Variants in NRAP observed in about 807,000 individuals in gnomAD.
NRAP encodes nebulin-related-anchoring protein.
NRAP carries 189 observed loss-of-function variants against 225.9 expected under a neutral mutation model. The ratio of observed to expected loss-of-function variants is 0.84; its 90% CI spans 0.74 to 0.94. The LOEUF (loss-of-function observed/expected upper bound fraction) is 0.94, where lower values mean the gene tolerates loss of function less well. Among genes scored for constraint, NRAP ranks in the 40% least tolerant of loss-of-function variants. The probability of loss-of-function intolerance (pLI) is 0.00; values close to 1 mark genes in which losing one functional copy is unlikely to be tolerated. For synonymous variants in NRAP, 769 were observed against 790.7 expected (o/e 0.97, Z 0.46); for missense variants, 2,176 against 2,168.7 (o/e 1.00, Z -0.07).
At position 113,617,495 on chromosome 10, in the gene NRAP, T is replaced by C; in HGVS notation, c.2933A>G (p.Glu978Gly). 3 of 1,612,414 alleles carry C rather than the reference T, an allele frequency of 1.9e-6. No individual in the cohort carries two copies. The highest frequency in any genetic ancestry group is 2.5e-6 in the Non-Finnish European group (3 of 1,178,482). Residue 978 changes from glutamate to glycine, a missense_variant, in exon 26 of 42, where the codon GAG (glutamate) becomes GGG (glycine). Physicochemically the swap from Glu to Gly is moderately conservative, Grantham distance 98 (BLOSUM62 -2). This residue lies in a region of NRAP where 1,708 missense variants were observed against 1,695.5 expected (regional missense o/e 1.01). Coordinates refer to ENST00000359988, the MANE Select transcript of NRAP (RefSeq NM_198060.4). ...LKFTSIKDTP[E>G]MVQARISYTQ... is the part of the protein sequence containing the mutation. ...ATAACTAATTCTGGCCTGGACCATCTCCGGAGTGTCTTTAATACTGGTAAA... is the reference window on the plus strand; with the variant it reads ...ATAACTAATTCTGGCCTGGACCATCCCCGGAGTGTCTTTAATACTGGTAAA...
rs78026621 is a variant in NRAP at position 113,641,828 on chromosome 10, C to T, written c.1216-356G>A. Among the ~76,000 whole-genome samples the T allele has an allele frequency of 1.8e-4, 28 of 152,252 alleles. No homozygotes were observed. The East Asian group carries it at 4.8e-3, about 26-fold the overall frequency. On this transcript the variant is annotated intron_variant, in intron 12 of 41. Coordinates refer to ENST00000359988, the MANE Select transcript of NRAP (RefSeq NM_198060.4). Reference sequence around the variant, plus strand: ...GAGACAGTGGCAGGCACTGACTATGCGGACGTCACATGCAAAGCCCCATGC... The same window carrying T: ...GAGACAGTGGCAGGCACTGACTATGTGGACGTCACATGCAAAGCCCCATGC...
At chr10:113,642,554 A>T (rs1221207152) in intron 12 of NRAP, among the ~76,000 whole-genome samples, 1 of 152,106 alleles carries the variant, frequency 6.6e-6, no homozygotes, top group Non-Finnish European at 1.5e-5. Flanking sequence ...TCTCCAGGTG[A>T]CTCTGAGGGT....
intron 7 of NRAP, among the ~76,000 whole-genome samples, chr10:113,650,863 G>A (rs1243945178): frequency 1.3e-5 from 2 of 152,196 alleles, no homozygotes; most frequent in Non-Finnish European, 2.9e-5. Flanking sequence ...ATTTTTGGGA[G>A]ACACAAGAGT....
chr10:113,607,262 C>G (rs1217990251), intron 32 of NRAP, among the ~76,000 whole-genome samples: 1 of 150,508 alleles, frequency 6.6e-6, no homozygotes, highest in Non-Finnish European at 1.5e-5. Context: ...ATTAGCCGGG[C>G]ATGGTGGCAG....
Position 113,590,865 on chromosome 10 carries a change from G to A in NRAP, c.4669C>T (p.Arg1557Trp), listed in dbSNP as rs146091768. Residue 1557 changes from arginine to tryptophan, a missense_variant, in exon 40 of 42, where the codon CGG becomes TGG. Physicochemically the swap from Arg to Trp is moderately radical, Grantham distance 101 (BLOSUM62 -3). Around this residue, in one of 3 missense-constraint regions of NRAP, gnomAD observed 445 missense variants for 426.1 expected, o/e 1.04. Transcript: ENST00000359988. ...SDFRYKEAFL[R>W]DRGLQIGYRS... ...TACCCGATCTGCAGGCCTCGGTCCC[G>A]CAGGAAAGCCTCTTTGTACCGGAAC... is the stretch of plus-strand genomic sequence containing the variant. 12 of 1,613,840 alleles carry A rather than the reference G, an allele frequency of 7.4e-6. No individual in the cohort carries two copies. The highest frequency in any genetic ancestry group is 4.0e-5 in the African/African-American group (3 of 74,922).
chr10:113,602,618 T>C (rs1344014920), intron 35 of NRAP, among the ~76,000 whole-genome samples: 2 of 152,218 alleles, frequency 1.3e-5, no homozygotes, highest in Non-Finnish European at 2.9e-5. Flanking sequence ...GATAATTAAA[T>C]TAACAAAATC....
chr10:113,598,690 A>T (rs1846428210), intron 35 of NRAP, among the ~76,000 whole-genome samples: 1 of 152,212 alleles, frequency 6.6e-6, no homozygotes, highest in East Asian at 1.9e-4. Context: ...TTATAGCATG[A>T]CTTTAAAAAC....
At chr10:113,649,527 G>T (rs1238522709) in intron 9 of NRAP, among the ~76,000 whole-genome samples, 2 of 152,132 alleles carry the variant, frequency 1.3e-5, no homozygotes, top group Non-Finnish European at 2.9e-5. Context: ...TTTACTCCCT[G>T]TCAAGATGTA....
chr10:113,636,339 C>G (rs572144659), intron 14 of NRAP, among the ~76,000 whole-genome samples: 93 of 152,338 alleles, frequency 6.1e-4, no homozygotes, highest in Non-Finnish European at 1.2e-3. Context: ...TCCTGTCTGT[C>G]TAGACTACAG....
Position 113,588,938 on chromosome 10 carries a change from TCCTCTCTGG to T in NRAP, c.*28_*36del. Reference sequence around the variant, plus strand: ...GAAGCCTGTCTCTGGTGAACAAACTTCCTCTCTGGCCTCTCAGGAATCAGGGTGGACATG... The same window carrying T: ...GAAGCCTGTCTCTGGTGAACAAACTTCCTCTCAGGAATCAGGGTGGACATG... On this transcript the variant is annotated 3_prime_UTR_variant, in exon 42 of 42. Transcript: ENST00000359988. 9 of 1,547,354 alleles carry T rather than the reference TCCTCTCTGG, an allele frequency of 5.8e-6. No homozygotes were observed. Among genetic ancestry groups the T allele is most frequent in the Non-Finnish European group, 8.0e-6 (9 of 1,121,518 alleles).
chr10:113,609,543 T>A (rs1257523102), intron 31 of NRAP, among the ~76,000 whole-genome samples: 1 of 152,232 alleles, frequency 6.6e-6, no homozygotes, highest in African/African-American at 2.4e-5. Context: ...ATCAGAAAGC[T>A]TAGAATTCTA....
At chr10:113,654,507 C>CAAAAA (rs56238053) in intron 4 of NRAP, among the ~76,000 whole-genome samples, 3 of 128,694 alleles carry the variant, frequency 2.3e-5, no homozygotes, top group Non-Finnish European at 3.2e-5. Context: ...GCAATAAAAG[C>CAAAAA]AAAAAAAAAA....
chr10:113,611,794 A>T (rs1254598193), intron 30 of NRAP, among the ~76,000 whole-genome samples: 1 of 152,174 alleles, frequency 6.6e-6, no homozygotes, highest in East Asian at 1.9e-4. Flanking sequence ...TTGAGGCCAG[A>T]GGCAATATCA....
chr10:113,601,058 G>A (rs1419360842), intron 35 of NRAP, among the ~76,000 whole-genome samples: 1 of 152,228 alleles, frequency 6.6e-6, no homozygotes, highest in African/African-American at 2.4e-5. Context: ...CTGAGACCAC[G>A]GAGGGAGCAG....
intron 25 of NRAP, among the ~76,000 whole-genome samples, chr10:113,618,298 G>C (rs1466014971): frequency 2.0e-5 from 3 of 152,150 alleles, no homozygotes. Context: ...TGAGATCATA[G>C]AGTTTATGCT....
At chr10:113,659,974 T>C (rs754694784) in intron 3 of NRAP, among the ~76,000 whole-genome samples, 4 of 151,810 alleles carry the variant, frequency 2.6e-5, no homozygotes, top group Admixed American at 6.6e-5. Flanking sequence ...TTGTAAGAGC[T>C]GGGCCCTGTA....
intron 35 of NRAP, among the ~76,000 whole-genome samples, chr10:113,599,586 T>C (rs1450082201): frequency 6.6e-6 from 1 of 152,196 alleles, no homozygotes; most frequent in Non-Finnish European, 1.5e-5. Context: ...GAAAGCAAGA[T>C]GCAGGTTCCC....
chr10:113,640,112 C>T, intron 14 of NRAP, 115 bp downstream of exon 14: 1 of 611,700 alleles, frequency 1.6e-6, no homozygotes, highest in South Asian at 2.3e-5. Context: ...TCAATCCCTT[C>T]AACCTCTTAT....
intron 14 of NRAP, among the ~76,000 whole-genome samples, chr10:113,638,654 C>T (rs1364451192): frequency 6.6e-6 from 1 of 152,164 alleles, no homozygotes; most frequent in African/African-American, 2.4e-5. Context: ...CTTGCAGGAA[C>T]TAGGGCAGAA....
Sources: gnomAD v4.1 joint callset for allele counts (sites outside exome capture counted in the v4.1 genomes callset) on GRCh38, gnomAD v4.1.1 for gene constraint, gnomAD v4.1.1 regional missense constraint, MANE v1.5 for transcripts, NCBI Gene and HGNC (gene_info 2026-07-23, HGNC 2026-07-21) for gene names.